Variants in CDIN1 observed in about 807,000 individuals in gnomAD.
CDIN1 encodes CDAN1 interacting nuclease 1, also known as CDAN1-interacting nuclease 1.
A neutral mutation model predicts 45.3 loss-of-function variants in CDIN1; 33 were observed. That is an observed-to-expected ratio of 0.73 (90% CI 0.55 to 0.97). The LOEUF (loss-of-function observed/expected upper bound fraction) is 0.97, where lower values mean the gene tolerates loss of function less well. Ranked by LOEUF, CDIN1 falls within the 50% of genes least tolerant of loss-of-function variation. CDIN1 has a pLI of 0.00. For missense variants in CDIN1, 303 were observed against 339.4 expected (o/e 0.89, Z 0.84); for synonymous variants, 118 against 124.4 (o/e 0.95, Z 0.34).
intron 10 of CDIN1, among the ~76,000 whole-genome samples, chr15:36,723,752 G>A (rs1365911634): frequency 6.6e-6 from 1 of 152,100 alleles, no homozygotes; most frequent in Non-Finnish European, 1.5e-5. Flanking sequence ...AATGCAACAA[G>A]TTCTAGCAAA....
chr15:36,684,328 A>G (rs1332768198), intron 5 of CDIN1, among the ~76,000 whole-genome samples: 1 of 152,158 alleles, frequency 6.6e-6, no homozygotes, highest in African/African-American at 2.4e-5. Flanking sequence ...ATATATTGAG[A>G]TAATCATGTG....
At chr15:36,582,880 T>G (rs1192283691) in intron 1 of CDIN1, among the ~76,000 whole-genome samples, 1 of 152,246 alleles carries the variant, frequency 6.6e-6, no homozygotes, top group Non-Finnish European at 1.5e-5. Flanking sequence ...CATCTTGTAG[T>G]TAGCATTTTA....
At chr15:36,688,860 A>G (rs1346721018) in intron 5 of CDIN1, among the ~76,000 whole-genome samples, 1 of 152,178 alleles carries the variant, frequency 6.6e-6, no homozygotes, top group Non-Finnish European at 1.5e-5. Flanking sequence ...ACACCAACAT[A>G]CTTTCATGAA....
intron 10 of CDIN1, among the ~76,000 whole-genome samples, chr15:36,796,656 C>T (rs1046868826): frequency 5.3e-5 from 8 of 152,318 alleles, no homozygotes; most frequent in South Asian, 4.1e-4. Flanking sequence ...GTTCATACAT[C>T]GGGGCTTGAA....
intron 10 of CDIN1, among the ~76,000 whole-genome samples, chr15:36,773,972 C>T (rs2054143277): frequency 6.6e-6 from 1 of 152,200 alleles, no homozygotes; most frequent in African/African-American, 2.4e-5. Flanking sequence ...CATAGTTTGG[C>T]ATGGAATGTC....
chr15:36,645,493 CTT>C (rs1491409408), intron 3 of CDIN1, among the ~76,000 whole-genome samples: 11 of 85,240 alleles, frequency 1.3e-4, no homozygotes, highest in African/African-American at 2.8e-4. Context: ...GCTGTCTTGA[CTT>C]GTGTGTGTGT....
At chr15:36,714,309 T>C (rs1376441783) in intron 10 of CDIN1, among the ~76,000 whole-genome samples, 2 of 152,160 alleles carry the variant, frequency 1.3e-5, no homozygotes, top group Non-Finnish European at 2.9e-5. Context: ...TTTAGATAAA[T>C]ATGTATAATC....
intron 1 of CDIN1, among the ~76,000 whole-genome samples, chr15:36,588,749 T>G (rs1452035148): frequency 6.6e-6 from 1 of 152,126 alleles, no homozygotes; most frequent in Non-Finnish European, 1.5e-5. Context: ...TTCTGAAAGG[T>G]TATTATGTTA....
chr15:36,614,775 C>T (rs1343686240), intron 1 of CDIN1, among the ~76,000 whole-genome samples: 1 of 152,068 alleles, frequency 6.6e-6, no homozygotes, highest in Non-Finnish European at 1.5e-5. Context: ...ACAACAAAAA[C>T]AAAAAATGTG....
At chr15:36,588,476 G>A (rs2037411193) in intron 1 of CDIN1, among the ~76,000 whole-genome samples, 1 of 152,106 alleles carries the variant, frequency 6.6e-6, no homozygotes, top group Non-Finnish European at 1.5e-5. Flanking sequence ...GAGAGAGAAA[G>A]GCTTTTATTG....
intron 1 of CDIN1, among the ~76,000 whole-genome samples, chr15:36,623,662 T>C (rs1679338365): frequency 6.6e-6 from 1 of 152,268 alleles, no homozygotes; most frequent in Non-Finnish European, 1.5e-5. Flanking sequence ...GTGGTTGGAA[T>C]GCTGTTTTTG....
intron 10 of CDIN1, among the ~76,000 whole-genome samples, chr15:36,772,297 G>A (rs1017739627): frequency 2.0e-5 from 3 of 152,026 alleles, no homozygotes; most frequent in African/African-American, 4.8e-5. Context: ...TTTACTTGGC[G>A]CAAATCGTCA....
chr15:36,747,305 T>G (rs963995193), intron 10 of CDIN1: 2 of 267,402 alleles, frequency 7.5e-6, no homozygotes, highest in African/African-American at 4.4e-5. Flanking sequence ...CCAAGTAAAT[T>G]TATTTTTAAA....
intron 5 of CDIN1, among the ~76,000 whole-genome samples, chr15:36,663,109 C>T (rs980487429): frequency 2.6e-5 from 4 of 151,988 alleles, no homozygotes; most frequent in African/African-American, 9.7e-5. Context: ...TTAGAGGAAG[C>T]CTCATGGATT....
At chr15:36,630,569 C>T (rs1338411971) in intron 1 of CDIN1, among the ~76,000 whole-genome samples, 2 of 152,094 alleles carry the variant, frequency 1.3e-5, no homozygotes, top group Admixed American at 1.3e-4. Flanking sequence ...TTGATGCCAC[C>T]CTCCCTATTG....
intron 10 of CDIN1, chr15:36,755,875 C>T (rs548037323): frequency 3.3e-4 from 86 of 258,064 alleles, no homozygotes; most frequent in South Asian, 2.4e-3. Flanking sequence ...AACTTAAGGG[C>T]GTTTTATTCA....
chr15:36,582,464 G>A (rs532888312), intron 1 of CDIN1, among the ~76,000 whole-genome samples: 1 of 152,308 alleles, frequency 6.6e-6, no homozygotes, highest in African/African-American at 2.4e-5. Flanking sequence ...GTGTGGCAGT[G>A]AATACAGTGA....
At chr15:36,718,000 T>C (rs1266829195) in intron 10 of CDIN1, among the ~76,000 whole-genome samples, 3 of 145,378 alleles carry the variant, frequency 2.1e-5, no homozygotes, top group African/African-American at 5.2e-5. Context: ...TTGAAATCTT[T>C]GCTTCATTAG....
intron 10 of CDIN1, among the ~76,000 whole-genome samples, chr15:36,768,651 C>T (rs1422954741): frequency 6.6e-6 from 1 of 152,102 alleles, no homozygotes; most frequent in Admixed American, 6.6e-5. Flanking sequence ...TAAACTGCTG[C>T]GAGAATATTT....
Sources: gnomAD v4.1 joint callset for allele counts (sites outside exome capture counted in the v4.1 genomes callset) on GRCh38, gnomAD v4.1.1 for gene constraint, MANE v1.5 for transcripts, NCBI Gene and HGNC (gene_info 2026-07-23, HGNC 2026-07-21) for gene names.